PLCB1: variants seen among roughly 807,000 people sequenced by gnomAD.
PLCB1 encodes the protein 1-phosphatidylinositol 4,5-bisphosphate phosphodiesterase beta-1.
PLCB1 carries 46 observed loss-of-function variants against 161.8 expected under a neutral mutation model. The observed-to-expected ratio is 0.28, with a 90% CI of 0.22 to 0.36. The LOEUF (loss-of-function observed/expected upper bound fraction) is 0.36. Among genes scored for constraint, PLCB1 ranks in the 10% least tolerant of loss-of-function variants. The pLI, the probability that PLCB1 is intolerant of heterozygous loss-of-function variation, is 1.00. For synonymous variants in PLCB1, 517 were observed against 503.7 expected, an observed-to-expected ratio of 1.03 and a Z score of -0.35; for missense variants, 1,016 against 1,472.5, an observed-to-expected ratio of 0.69 and a Z score of 5.07.
chr20:8,199,923 T>C (rs1041230269), intron 2 of PLCB1, among the ~76,000 whole-genome samples: 1 of 152,168 alleles, frequency 6.6e-6, no homozygotes, highest in African/African-American at 2.4e-5. Context: ...ACAGTGAGCA[T>C]ACTTAGGCAC....
chr20:8,160,786 G>C (rs16994471), intron 2 of PLCB1, among the ~76,000 whole-genome samples: 1 of 151,840 alleles, frequency 6.6e-6, no homozygotes. Context: ...TGTCTTTTGG[G>C]AAAATAAATT....
intron 3 of PLCB1, among the ~76,000 whole-genome samples, chr20:8,476,093 C>T (rs1166264443): frequency 6.6e-6 from 1 of 152,184 alleles, no homozygotes; most frequent in Non-Finnish European, 1.5e-5. Context: ...CCGGCACCAA[C>T]CAAAACACTG....
intron 3 of PLCB1, among the ~76,000 whole-genome samples, chr20:8,452,270 C>G (rs1260096739): frequency 1.3e-5 from 2 of 152,044 alleles, no homozygotes; most frequent in Admixed American, 6.6e-5. Context: ...CAGCCTCTTA[C>G]CTTTTTGCTA....
At chr20:8,495,409 T>G (rs1029693484) in intron 3 of PLCB1, among the ~76,000 whole-genome samples, 1 of 77,842 alleles carries the variant, frequency 1.3e-5, no homozygotes, top group Non-Finnish European at 3.0e-5. Flanking sequence ...TTTTTTTTTT[T>G]TTTTTTGAGA....
intron 3 of PLCB1, among the ~76,000 whole-genome samples, chr20:8,436,877 C>T (rs1980336472): frequency 6.6e-6 from 1 of 152,122 alleles, no homozygotes; most frequent in Non-Finnish European, 1.5e-5. Flanking sequence ...GCAACCTCCA[C>T]CTCCCGGTTT....
intron 15 of PLCB1, 129 bp from the exon 16 acceptor site, chr20:8,724,527 A>C (rs995732674): frequency 3.0e-6 from 2 of 662,724 alleles, no homozygotes. Flanking sequence ...ATGAATTTTC[A>C]TTTTGTAATT....
intron 3 of PLCB1, among the ~76,000 whole-genome samples, chr20:8,419,226 T>C (rs1979431839): frequency 6.6e-6 from 1 of 152,230 alleles, no homozygotes; most frequent in Admixed American, 6.5e-5. Flanking sequence ...GACTCTGAAC[T>C]TTGTAGAGTG....
chr20:8,443,501 T>G (rs1027612294), intron 3 of PLCB1, among the ~76,000 whole-genome samples: 2 of 152,186 alleles, frequency 1.3e-5, no homozygotes, highest in Non-Finnish European at 2.9e-5. Flanking sequence ...TATTGACCAT[T>G]AGGCTTAGTT....
At chr20:8,378,894 C>T (rs901817386) in intron 3 of PLCB1, among the ~76,000 whole-genome samples, 4 of 152,162 alleles carry the variant, frequency 2.6e-5, no homozygotes, top group Admixed American at 6.5e-5. Flanking sequence ...TTTCAAGAAA[C>T]GACTTTCTTT....
chr20:8,390,834 A>G (rs1987565309), intron 3 of PLCB1, among the ~76,000 whole-genome samples: 1 of 151,886 alleles, frequency 6.6e-6, no homozygotes, highest in African/African-American at 2.4e-5. Flanking sequence ...AAGCCACAAC[A>G]CCAATAACAA....
At chr20:8,718,885 G>A (rs6118296) in intron 14 of PLCB1, among the ~76,000 whole-genome samples, 11,345 of 152,174 alleles carry the variant, frequency 0.075, 475 homozygotes, top group African/African-American at 0.1. Context: ...AGAGTTCTGG[G>A]CATTTCAATT....
intron 1 of PLCB1, among the ~76,000 whole-genome samples, chr20:8,133,976 G>A (rs567135254): frequency 1.3e-5 from 2 of 152,142 alleles, no homozygotes; most frequent in South Asian, 4.1e-4. Flanking sequence ...AGCTGAGTGC[G>A]TCTGTGTCTA....
At chr20:8,173,266 A>T (rs1051911415) in intron 2 of PLCB1, among the ~76,000 whole-genome samples, 1 of 152,140 alleles carries the variant, frequency 6.6e-6, no homozygotes, top group Non-Finnish European at 1.5e-5. Context: ...TTTCACTACA[A>T]CAAGCGCTTG....
At chr20:8,821,232 G>A (rs964291048) in intron 31 of PLCB1, among the ~76,000 whole-genome samples, 2 of 151,680 alleles carry the variant, frequency 1.3e-5, no homozygotes, top group African/African-American at 2.4e-5. Flanking sequence ...TGTAAACCCA[G>A]CACTTTGGGA....
chr20:8,507,025 T>C (rs1373058818), intron 3 of PLCB1, among the ~76,000 whole-genome samples: 1 of 152,158 alleles, frequency 6.6e-6, no homozygotes, highest in Non-Finnish European at 1.5e-5. Flanking sequence ...GCCTTACCAA[T>C]AACATAGTCA....
intron 3 of PLCB1, among the ~76,000 whole-genome samples, chr20:8,525,834 G>A (rs1600128057): frequency 1.3e-5 from 2 of 149,028 alleles, no homozygotes; most frequent in African/African-American, 2.5e-5. Flanking sequence ...GCTCTATTCT[G>A]TTAGCTCTTT....
chr20:8,772,961 T>A (rs935729595), intron 26 of PLCB1, among the ~76,000 whole-genome samples: 2 of 152,098 alleles, frequency 1.3e-5, no homozygotes, highest in Non-Finnish European at 1.5e-5. Context: ...AGAAAAAAGA[T>A]AATTCAATGT....
chr20:8,157,106 C>A (rs182186557), intron 2 of PLCB1, among the ~76,000 whole-genome samples: 2 of 152,218 alleles, frequency 1.3e-5, no homozygotes, highest in Admixed American at 1.3e-4. Flanking sequence ...TTATGTATTT[C>A]ATAATGTTGT....
chr20:8,428,372 C>G (rs1385089152), intron 3 of PLCB1, among the ~76,000 whole-genome samples: 1 of 152,104 alleles, frequency 6.6e-6, no homozygotes, highest in Admixed American at 6.6e-5. Flanking sequence ...AGGTGTGTGC[C>G]ACCACACTCA....
Sources: allele counts gnomAD v4.1 joint callset (sites outside exome capture counted in the v4.1 genomes callset), GRCh38; gene constraint gnomAD v4.1.1; transcripts MANE v1.5; gene names NCBI Gene and HGNC (gene_info 2026-07-23, HGNC 2026-07-21).